MACROD2: variants seen among roughly 807,000 people sequenced by gnomAD.
MACROD2 encodes ADP-ribose glycohydrolase MACROD2.
A neutral mutation model predicts 70.4 loss-of-function variants in MACROD2; 36 were observed. That is an observed-to-expected ratio of 0.51 (90% CI 0.39 to 0.68). The LOEUF (loss-of-function observed/expected upper bound fraction) is 0.68, where lower values mean the gene tolerates loss of function less well. Ranked by LOEUF, MACROD2 falls within the 30% of genes least tolerant of loss-of-function variation. The pLI is 0.00. For missense variants in MACROD2, 496 were observed against 538.4 expected (o/e 0.92, Z 0.78); for synonymous variants, 172 against 178.8 (o/e 0.96, Z 0.30).
At chr20:14,699,923 A>C (rs1040881517) in intron 5 of MACROD2, among the ~76,000 whole-genome samples, 14 of 148,756 alleles carry the variant, frequency 9.4e-5, no homozygotes, top group Non-Finnish European at 1.8e-4. Context: ...TAGAAGTTTA[A>C]AGTTTAAACT....
At chr20:15,293,048 G>A (rs1186250587) in intron 6 of MACROD2, among the ~76,000 whole-genome samples, 2 of 152,168 alleles carry the variant, frequency 1.3e-5, no homozygotes, top group Non-Finnish European at 2.9e-5. Context: ...GCTTCTTGAA[G>A]CAGTGTGTTC....
intron 15 of MACROD2, among the ~76,000 whole-genome samples, chr20:16,015,780 CATT>C (rs1344563007): frequency 1.3e-5 from 2 of 152,060 alleles, no homozygotes; most frequent in Non-Finnish European, 2.9e-5. Flanking sequence ...AATTTAATAA[CATT>C]ATCGAAGCTG....
intron 3 of MACROD2, among the ~76,000 whole-genome samples, chr20:14,379,432 A>G (rs1447070427): frequency 6.6e-6 from 1 of 152,220 alleles, no homozygotes; most frequent in Non-Finnish European, 1.5e-5. Flanking sequence ...TTCATTACAT[A>G]ATTAAGCTTT....
chr20:14,834,272 T>G (rs1011889481), intron 5 of MACROD2, among the ~76,000 whole-genome samples: 2 of 151,744 alleles, frequency 1.3e-5, no homozygotes, highest in African/African-American at 4.8e-5. Flanking sequence ...TTTTTAGGAT[T>G]AACAATCAAA....
intron 5 of MACROD2, among the ~76,000 whole-genome samples, chr20:15,160,824 G>A (rs1004242937): frequency 9.9e-5 from 15 of 152,012 alleles, no homozygotes; most frequent in African/African-American, 3.6e-4. Flanking sequence ...ACAATTTCAG[G>A]AAACAATTAC....
intron 5 of MACROD2, among the ~76,000 whole-genome samples, chr20:15,159,139 T>G (rs2076329525): frequency 6.6e-6 from 1 of 152,138 alleles, no homozygotes; most frequent in Admixed American, 6.6e-5. Flanking sequence ...CAAACCCTAT[T>G]AATCATAGAA....
intron 2 of MACROD2, among the ~76,000 whole-genome samples, chr20:14,036,424 A>C (rs6079264): frequency 6.6e-6 from 1 of 152,120 alleles, no homozygotes; most frequent in South Asian, 2.1e-4. Context: ...AGGAGTCTGC[A>C]CTGTTAACAA....
intron 4 of MACROD2, among the ~76,000 whole-genome samples, chr20:14,555,008 T>TAA (rs35040976): frequency 6.6e-6 from 1 of 150,556 alleles, no homozygotes; most frequent in African/African-American, 2.4e-5. Context: ...GTTAGTGGTA[T>TAA]AAAAAAAAAC....
chr20:15,496,572 C>A (rs565785301), intron 7 of MACROD2, among the ~76,000 whole-genome samples: 1 of 152,286 alleles, frequency 6.6e-6, no homozygotes, highest in East Asian at 1.9e-4. Context: ...AATGTTAATA[C>A]TGATGGTCAT....
intron 8 of MACROD2, among the ~76,000 whole-genome samples, chr20:15,637,759 G>A (rs963321977): frequency 5.3e-5 from 8 of 152,256 alleles, no homozygotes; most frequent in Non-Finnish European, 4.4e-5. Flanking sequence ...CTGATACCAT[G>A]GCAACCCCTC....
At chr20:14,753,914 A>G (rs2071907686) in intron 5 of MACROD2, among the ~76,000 whole-genome samples, 1 of 152,088 alleles carries the variant, frequency 6.6e-6, no homozygotes, top group African/African-American at 2.4e-5. Context: ...TTGTTTCATG[A>G]ACTGGGAACT....
intron 8 of MACROD2, among the ~76,000 whole-genome samples, chr20:15,830,813 A>T (rs567865332): frequency 6.6e-6 from 1 of 152,378 alleles, no homozygotes; most frequent in East Asian, 1.9e-4. Flanking sequence ...GCTATTTGCA[A>T]ACAAAAAACA....
At chr20:15,111,244 C>T (rs914311765) in intron 5 of MACROD2, among the ~76,000 whole-genome samples, 4 of 150,246 alleles carry the variant, frequency 2.7e-5, no homozygotes, top group African/African-American at 4.9e-5. Context: ...GCAATCTCGG[C>T]TCACTGCAAA....
rs1050257116 is a variant in MACROD2 at position 15,766,789 on chromosome 20, A to T, written c.646-95956A>T. On this transcript the variant is annotated intron_variant, in intron 8 of 17. Coordinates refer to ENST00000684519, the MANE Select transcript of MACROD2 (RefSeq NM_001351661.2). Reference sequence around the variant, plus strand: ...TTTGCTACATAACAAACCGCCTCATAGTATAATGGCTTAAAAACAGACATC... The same window carrying T: ...TTTGCTACATAACAAACCGCCTCATTGTATAATGGCTTAAAAACAGACATC... Among the ~76,000 whole-genome samples the T allele has an allele frequency of 9.9e-5, 15 of 152,226 alleles. 1 individual carries two copies. Among genetic ancestry groups the T allele is most frequent in the Admixed American group, 9.8e-4 (15 of 15,284 alleles).
At chr20:14,723,574 T>C (rs2123689033) in intron 5 of MACROD2, among the ~76,000 whole-genome samples, 1 of 150,118 alleles carries the variant, frequency 6.7e-6, no homozygotes, top group East Asian at 1.9e-4. Context: ...ACTTTTCATC[T>C]AGTGTGCTAG....
intron 5 of MACROD2, among the ~76,000 whole-genome samples, chr20:14,769,027 G>GAGGTCTT (rs2072130139): frequency 6.6e-6 from 1 of 152,182 alleles, no homozygotes; most frequent in African/African-American, 2.4e-5. Context: ...TATTAATAGT[G>GAGGTCTT]AGGCCTTAGG....
At chr20:15,827,199 G>A (rs2064006382) in intron 8 of MACROD2, among the ~76,000 whole-genome samples, 1 of 152,134 alleles carries the variant, frequency 6.6e-6, no homozygotes, top group Non-Finnish European at 1.5e-5. Context: ...GTACTTCAGT[G>A]AATGTCACTT....
chr20:15,558,476 C>T (rs1320513117), intron 8 of MACROD2, among the ~76,000 whole-genome samples: 2 of 152,254 alleles, frequency 1.3e-5, no homozygotes, highest in Non-Finnish European at 1.5e-5. Flanking sequence ...CTTTGTCCCA[C>T]ACTGGCCTGC....
chr20:14,530,899 A>G (rs2085295153), intron 4 of MACROD2, among the ~76,000 whole-genome samples: 1 of 152,260 alleles, frequency 6.6e-6, no homozygotes, highest in African/African-American at 2.4e-5. Flanking sequence ...TTCTAGAGAC[A>G]TAAACTTGCG....
Sources: allele counts gnomAD v4.1 joint callset (sites outside exome capture counted in the v4.1 genomes callset), GRCh38; gene constraint gnomAD v4.1.1; transcripts MANE v1.5; gene names NCBI Gene and HGNC (gene_info 2026-07-23, HGNC 2026-07-21).